DOCK5: variants seen among roughly 807,000 people sequenced by gnomAD.
DOCK5 encodes dedicator of cytokinesis 5.
In DOCK5, 142 loss-of-function variants were observed where a neutral mutation model predicts 251.8. The ratio of observed to expected loss-of-function variants is 0.56; its 90% CI spans 0.49 to 0.65. DOCK5 has a LOEUF of 0.65. DOCK5 is among the 30% of genes least tolerant of loss of function. The probability of loss-of-function intolerance (pLI) is 0.00; values close to 1 mark genes in which losing one functional copy is unlikely to be tolerated. For synonymous variants in DOCK5, 842 were observed against 835.5 expected, an observed-to-expected ratio of 1.01 and a Z score of -0.13; for missense variants, 2,111 against 2,312.3, an observed-to-expected ratio of 0.91 and a Z score of 1.79.
chr8:25,378,442 G>T lies in DOCK5; in HGVS notation c.3936+1018G>T, dbSNP rs1036253844. 2.8e-4 allele frequency among the ~76,000 whole-genome samples: 43 copies of T among 152,184 alleles called. 1 individual carries two copies. Among genetic ancestry groups the T allele is most frequent in the Non-Finnish European group, 5.9e-5 (4 of 68,036 alleles). Reference sequence around the variant, plus strand: ...GAGATTTCAGAGGGGGACAGATTTTGCAAACAATGATTTTAAAAGATTTAA... The same window carrying T: ...GAGATTTCAGAGGGGGACAGATTTTTCAAACAATGATTTTAAAAGATTTAA... On this transcript the variant is annotated intron_variant, in intron 38 of 51. Transcript: ENST00000276440.
intron 5 of DOCK5, among the ~76,000 whole-genome samples, chr8:25,282,211 G>A (rs903995902): frequency 1.1e-4 from 16 of 150,174 alleles, no homozygotes; most frequent in Non-Finnish European, 1.0e-4. Flanking sequence ...TACCATCCTA[G>A]TATTAATTGT....
chr8:25,249,520 A>G (rs1001272133), intron 2 of DOCK5, among the ~76,000 whole-genome samples: 4 of 152,292 alleles, frequency 2.6e-5, no homozygotes, highest in Non-Finnish European at 1.5e-5. Flanking sequence ...GGCAGCTTCA[A>G]ATTCATTTCA....
At chr8:25,257,974 AC>A (rs1026105343) in intron 2 of DOCK5, among the ~76,000 whole-genome samples, 41 of 152,212 alleles carry the variant, frequency 2.7e-4, no homozygotes, top group African/African-American at 9.4e-4. Flanking sequence ...AGAAGGACTA[AC>A]CGCTGGCAAG....
Position 25,300,447 on chromosome 8 carries a change from A to T in DOCK5, c.765-129A>T, listed in dbSNP as rs1459916247. The T allele has an allele frequency of 9.2e-6, 7 of 758,548 alleles. No homozygotes were observed. In the African/African-American group the frequency reaches 1.1e-4, roughly 11 times the overall value. 47.0% of individuals were successfully genotyped at this position (758,548 alleles called of 1,614,324 possible). On this transcript the variant is annotated intron_variant, in intron 8 of 51. Transcript: ENST00000276440. ...CAGTTCCCAACTCAGCTGTTTTCAC[A>T]CCGGCCTGTTGAATTTCACTGAGCA...
chr8:25,275,525 T>A, intron 4 of DOCK5, 84 bp downstream of exon 4: 2 of 1,315,478 alleles, frequency 1.5e-6, no homozygotes, highest in Non-Finnish European at 1.1e-6. Flanking sequence ...ATTAATGCCT[T>A]ATGTACGTTA....
intron 13 of DOCK5, among the ~76,000 whole-genome samples, chr8:25,314,354 A>G (rs890833881): frequency 2.6e-5 from 4 of 151,510 alleles, no homozygotes; most frequent in East Asian, 1.9e-4. Context: ...CCTGGGCTCA[A>G]GCAGTCCTCT....
At chr8:25,195,270 T>A (rs1801693740) in intron 1 of DOCK5, among the ~76,000 whole-genome samples, 2 of 150,380 alleles carry the variant, frequency 1.3e-5, no homozygotes, top group South Asian at 4.3e-4. Flanking sequence ...TTTTTTTTTT[T>A]TTTTTAAGAT....
intron 37 of DOCK5, chr8:25,374,959 G>T: frequency 8.2e-7 from 1 of 1,213,530 alleles, no homozygotes; most frequent in South Asian, 1.6e-5. Flanking sequence ...TTGTAAAACT[G>T]CAGAAAACTG....
At chr8:25,187,496 T>C (rs1801464990) in intron 1 of DOCK5, among the ~76,000 whole-genome samples, 1 of 151,798 alleles carries the variant, frequency 6.6e-6, no homozygotes, top group Non-Finnish European at 1.5e-5. Flanking sequence ...TTCTGGTTTG[T>C]CTGGGTTTGA....
At chr8:25,245,152 G>A (rs967417895) in intron 2 of DOCK5, among the ~76,000 whole-genome samples, 3 of 152,160 alleles carry the variant, frequency 2.0e-5, no homozygotes, top group African/African-American at 7.2e-5. Context: ...CACCTTCCGG[G>A]TTCATGCCAT....
intron 43 of DOCK5, 111 bp downstream of exon 43, chr8:25,392,091 C>G (rs938652753): frequency 8.0e-6 from 8 of 1,006,092 alleles, no homozygotes; most frequent in South Asian, 1.5e-5. Context: ...ATCACGAAGT[C>G]AAGAGATCGA....
In DOCK5 at chr8:25,410,147, C is replaced by A; in HGVS notation, c.5453C>A (p.Pro1818His). 6.2e-7 allele frequency: 1 copy of A among 1,613,658 alleles called. No individual in the cohort carries two copies. The change falls in exon 51 of 52, where the codon CCT (proline) becomes CAT (histidine). Residue 1818 changes from proline to histidine, a missense_variant. Coordinates refer to ENST00000276440, the MANE Select transcript of DOCK5 (RefSeq NM_024940.8). ...GGAATCGCGGCCACTCCTGTCCCAC[C>A]TCCACCTCCCCCCAAAAGCAAGCCC... is the stretch of plus-strand genomic sequence containing the variant. Reference protein sequence around the residue: ...TDGIAATPVPPPPPPKSKPYE... With the variant: ...TDGIAATPVPHPPPPKSKPYE...
chr8:25,340,840 T>C (rs1805936193), intron 22 of DOCK5, 37 bp from the exon 23 acceptor site: 2 of 1,557,960 alleles, frequency 1.3e-6, no homozygotes, highest in Non-Finnish European at 1.8e-6. Flanking sequence ...CTTTTAACAA[T>C]GGAAAGTCCA....
Position 25,291,607 on chromosome 8 carries a change from T to C in DOCK5, c.322-417T>C, listed in dbSNP as rs185150698. Among the ~76,000 whole-genome samples the C allele has an allele frequency of 4.5e-3, 649 of 144,764 alleles. 5 individuals carry two copies. The highest frequency in any genetic ancestry group is 0.042 in the East Asian group (204 of 4,846). 95.0% of individuals were successfully genotyped at this position (144,764 alleles called of 152,430 possible). ...CTGAGGCAGGAGAATCACTTCAACC[T>C]GGGAGGTGGAGGTTACAGTTAGCCG... On this transcript the variant is annotated intron_variant, in intron 5 of 51. Coordinates refer to ENST00000276440, the MANE Select transcript of DOCK5 (RefSeq NM_024940.8).
intron 18 of DOCK5, among the ~76,000 whole-genome samples, chr8:25,331,268 C>CAT (rs1805676338): frequency 6.7e-6 from 1 of 149,424 alleles, no homozygotes; most frequent in African/African-American, 2.5e-5. Flanking sequence ...CACACACACA[C>CAT]ACATATATGT....
At position 25,342,498 on chromosome 8, in the gene DOCK5, C is replaced by T. The variant is rs1298921901; in HGVS notation, c.2608C>T (p.Arg870Ter). ...CAAGATAGTAGAGAGCACTCTTTTT[C>T]GACAGTCAGGTAAGTCTCCTTCAAA... ...MTKIVESTLF[R>*]QSECREVLLP... The change falls in exon 25 of 52, where the codon CGA becomes TGA. Residue 870 changes from arginine to a stop codon, truncating the protein, a stop_gained. Transcript: ENST00000276440. LOFTEE classifies it high-confidence loss of function. The T allele has an allele frequency of 3.2e-6, 5 of 1,583,052 alleles. No individual in the cohort carries two copies. Among genetic ancestry groups the T allele is most frequent in the Admixed American group, 1.8e-5 (1 of 56,646 alleles).
Position 25,382,871 on chromosome 8 carries a change from G to A in DOCK5, c.4131+93G>A, listed in dbSNP as rs566689447. The A allele has an allele frequency of 5.2e-4, 540 of 1,037,966 alleles. 3 individuals are homozygous for A. The African/African-American group carries it at 7.0e-3, about 14-fold the overall frequency. 64.3% of individuals were successfully genotyped at this position (1,037,966 alleles called of 1,614,324 possible). ...GGGCAACAGGGTGTTAGCAGCTGCC[G>A]ACCCGTGTTCTCGCTGTGGGAGGTA... On this transcript the variant is annotated intron_variant, in intron 40 of 51. Transcript: ENST00000276440.
intron 36 of DOCK5, 136 bp downstream of exon 36, chr8:25,373,794 C>A: frequency 1.3e-6 from 1 of 768,242 alleles, no homozygotes; most frequent in Non-Finnish European, 2.1e-6. Context: ...ACGCTCCATT[C>A]ACCCTGAACC....
rs1801407944 is a variant in DOCK5 at position 25,399,919 on chromosome 8, T to A, written c.4713T>A (p.Phe1571Leu). The change falls in exon 46 of 52, where the codon TTT (phenylalanine) becomes TTA (leucine). Residue 1571 changes from phenylalanine to leucine, a missense_variant. Physicochemically the swap from Phe to Leu is conservative, Grantham distance 22 (BLOSUM62 0). This residue lies in a region of DOCK5 where 1,717 missense variants were observed against 1,892.4 expected (regional missense o/e 0.91). Coordinates refer to ENST00000276440, the MANE Select transcript of DOCK5 (RefSeq NM_024940.8). ...CATATGCTTTTTTTTAGGCTTTTTT[T>A]ACAGAAAAGTACTTGCAGGAGCATC... ...GGFSNYEKAF[F>L]TEKYLQEHPE... 1 of 1,612,640 alleles carries A rather than the reference T, an allele frequency of 6.2e-7. No individual in the cohort carries two copies.
Sources: gnomAD v4.1 joint callset for allele counts (sites outside exome capture counted in the v4.1 genomes callset) on GRCh38, gnomAD v4.1.1 for gene constraint, gnomAD v4.1.1 regional missense constraint, MANE v1.5 for transcripts, NCBI Gene and HGNC (gene_info 2026-07-23, HGNC 2026-07-21) for gene names.